Variants in IL1RAPL2 observed in about 807,000 individuals in gnomAD.
The protein encoded by IL1RAPL2 is X-linked interleukin-1 receptor accessory protein-like 2.
IL1RAPL2 carries 3 observed loss-of-function variants against 44.1 expected under a neutral mutation model. The observed-to-expected ratio is 0.07, with a 90% CI of 0.03 to 0.18. The LOEUF (loss-of-function observed/expected upper bound fraction) is 0.18, where lower values mean the gene tolerates loss of function less well. Among genes scored for constraint, IL1RAPL2 ranks in the 10% least tolerant of loss-of-function variants. The pLI is 1.00. For synonymous variants in IL1RAPL2, 181 were observed against 178.8 expected, an observed-to-expected ratio of 1.01 and a Z score of -0.10; for missense variants, 391 against 496.4, an observed-to-expected ratio of 0.79 and a Z score of 2.02.
intron 2 of IL1RAPL2, among the ~76,000 whole-genome samples, chrX:104,817,596 T>C (rs1921171427): frequency 8.9e-6 from 1 of 111,737 alleles, no homozygotes; most frequent in Admixed American, 9.5e-5. Flanking sequence ...ATGTAGTTGC[T>C]CAGTGGATGG....
intron 6 of IL1RAPL2, among the ~76,000 whole-genome samples, chrX:105,578,804 C>T (rs756234881): frequency 1.8e-5 from 2 of 111,672 alleles, no homozygotes; most frequent in Non-Finnish European, 3.8e-5. Flanking sequence ...TAAAGCCATG[C>T]GATCAATAAA....
intron 2 of IL1RAPL2, among the ~76,000 whole-genome samples, chrX:105,106,181 A>T (rs1045017610): frequency 1.8e-5 from 2 of 111,876 alleles, no homozygotes; most frequent in African/African-American, 6.5e-5. Flanking sequence ...AAGAAAATAT[A>T]AAAAGGTTAT....
intron 5 of IL1RAPL2, among the ~76,000 whole-genome samples, chrX:105,476,917 A>G (rs1181808187): frequency 8.9e-6 from 1 of 112,194 alleles, no homozygotes; most frequent in African/African-American, 3.2e-5. Flanking sequence ...ATGTGAAGAT[A>G]GTAAGTCAAG....
chrX:104,874,279 CCTCTCTCT>C (rs59789265), intron 2 of IL1RAPL2, among the ~76,000 whole-genome samples: 59 of 76,313 alleles, frequency 7.7e-4, no homozygotes, highest in East Asian at 5.4e-3. Flanking sequence ...TGTCTGTATT[CCTCTCTCT>C]CTCTCTCTCT....
chrX:104,748,653 T>G lies in IL1RAPL2; in HGVS notation c.82+89658T>G, dbSNP rs746178216. Among the ~76,000 whole-genome samples, 6 of 111,461 alleles carry G rather than the reference T, an allele frequency of 5.4e-5. No homozygotes were observed. In the South Asian group the frequency reaches 2.3e-3, roughly 42 times the overall value. On this transcript the variant is annotated intron_variant, in intron 2 of 10. Transcript: ENST00000372582. Reference sequence around the variant, plus strand: ...TATATGGGGAACAACAATGGCCTCTTGCCCACAGCCCTGGGTGGGATTCCA... The same window carrying G: ...TATATGGGGAACAACAATGGCCTCTGGCCCACAGCCCTGGGTGGGATTCCA...
chrX:105,115,818 G>A (rs780360229), intron 2 of IL1RAPL2, among the ~76,000 whole-genome samples: 6 of 113,043 alleles, frequency 5.3e-5, no homozygotes, highest in African/African-American at 1.9e-4. Flanking sequence ...TCGTCCGGGA[G>A]GCTCGGGCCG....
At chrX:105,365,785 T>A (rs1243051183) in intron 5 of IL1RAPL2, among the ~76,000 whole-genome samples, 3 of 111,083 alleles carry the variant, frequency 2.7e-5, no homozygotes, top group African/African-American at 9.8e-5. Context: ...TTCTCTTTTT[T>A]AATTCTTTTT....
At chrX:105,764,052 G>T (rs1321587663) in intron 10 of IL1RAPL2, among the ~76,000 whole-genome samples, 1 of 111,293 alleles carries the variant, frequency 9.0e-6, no homozygotes, top group Non-Finnish European at 1.9e-5. Context: ...GAGGTTTTCA[G>T]CAGGAATTAT....
intron 6 of IL1RAPL2, among the ~76,000 whole-genome samples, chrX:105,704,140 AG>A (rs1241057212): frequency 8.9e-6 from 1 of 112,046 alleles, no homozygotes; most frequent in Admixed American, 9.5e-5. Flanking sequence ...GATAATACAA[AG>A]CAGAATGTTG....
chrX:105,359,822 A>T (rs753788348), intron 5 of IL1RAPL2, among the ~76,000 whole-genome samples: 32 of 110,835 alleles, frequency 2.9e-4, no homozygotes, highest in Non-Finnish European at 4.5e-4. Flanking sequence ...CACCAATACT[A>T]TGTTAAATTT....
chrX:105,118,564 G>A (rs1376460703), intron 2 of IL1RAPL2, among the ~76,000 whole-genome samples: 1 of 111,816 alleles, frequency 8.9e-6, no homozygotes, highest in Non-Finnish European at 1.9e-5. Flanking sequence ...CAGCTCTATG[G>A]GTAAGTTTAG....
At chrX:104,864,432 A>G (rs928838971) in intron 2 of IL1RAPL2, among the ~76,000 whole-genome samples, 11 of 112,576 alleles carry the variant, frequency 9.8e-5, no homozygotes, top group African/African-American at 3.5e-4. Context: ...GGGAAAAGAT[A>G]CAAAGTCAAA....
chrX:105,614,794 C>T (rs1401787092), intron 6 of IL1RAPL2, among the ~76,000 whole-genome samples: 1 of 111,626 alleles, frequency 9.0e-6, no homozygotes, highest in African/African-American at 3.3e-5. Context: ...TAATACCCCA[C>T]AAACACAGGC....
intron 5 of IL1RAPL2, among the ~76,000 whole-genome samples, chrX:105,409,807 T>TATAGATAGATAGATAGATAGATAGATAG (rs764698139): frequency 1.1e-5 from 1 of 89,418 alleles, no homozygotes; most frequent in African/African-American, 4.5e-5. Flanking sequence ...GGCTTTGATT[T>TATAGATAGATAGATAGATAGATAGATAG]ATAGATAGAT....
intron 6 of IL1RAPL2, among the ~76,000 whole-genome samples, chrX:105,650,804 T>C (rs1209727144): frequency 8.9e-6 from 1 of 112,151 alleles, no homozygotes; most frequent in Non-Finnish European, 1.9e-5. Flanking sequence ...TAAAGCTTCC[T>C]GTGTCAGTGA....
chrX:105,099,041 T>C (rs1241477020), intron 2 of IL1RAPL2, among the ~76,000 whole-genome samples: 2 of 112,371 alleles, frequency 1.8e-5, no homozygotes, highest in Non-Finnish European at 3.8e-5. Context: ...AGCAAACATT[T>C]GGTGAGCAAA....
At chrX:104,767,361 T>C in intron 2 of IL1RAPL2, among the ~76,000 whole-genome samples, 1 of 112,228 alleles carries the variant, frequency 8.9e-6, no homozygotes, top group Non-Finnish European at 1.9e-5. Flanking sequence ...TGCTTTAATT[T>C]AGAAATAACC....
intron 5 of IL1RAPL2, among the ~76,000 whole-genome samples, chrX:105,404,429 T>A (rs1029445662): frequency 8.9e-6 from 1 of 112,188 alleles, no homozygotes; most frequent in Non-Finnish European, 1.9e-5. Flanking sequence ...AGACTGTTAG[T>A]ATTTGTTGCT....
At chrX:105,563,538 A>G (rs745831742) in intron 6 of IL1RAPL2, among the ~76,000 whole-genome samples, 1 of 112,012 alleles carries the variant, frequency 8.9e-6, no homozygotes, top group African/African-American at 3.2e-5. Flanking sequence ...ATATGTAGCT[A>G]TGTTACACAT....
Sources: allele counts gnomAD v4.1 joint callset (sites outside exome capture counted in the v4.1 genomes callset), GRCh38; gene constraint gnomAD v4.1.1; transcripts MANE v1.5; gene names NCBI Gene and HGNC (gene_info 2026-07-23, HGNC 2026-07-21).